Variants in SDK1 observed in about 807,000 individuals in gnomAD.
The protein encoded by SDK1 is sidekick cell adhesion molecule 1.
In SDK1, 157 loss-of-function variants were observed where a neutral mutation model predicts 245.5. The ratio of observed to expected loss-of-function variants is 0.64; its 90% CI spans 0.56 to 0.73. The LOEUF (loss-of-function observed/expected upper bound fraction) is 0.73, where lower values mean the gene tolerates loss of function less well. Among genes scored for constraint, SDK1 ranks in the 30% least tolerant of loss-of-function variants. The pLI is 0.00. For synonymous variants in SDK1, 1,647 were observed against 1,278.5 expected, an observed-to-expected ratio of 1.29 and a Z score of -6.15; for missense variants, 3,583 against 3,002.3, an observed-to-expected ratio of 1.19 and a Z score of -4.52.
At position 3,537,819 on chromosome 7, in the gene SDK1, C is replaced by G. The variant is rs74623428; in HGVS notation, c.299-81261C>G. 4.9e-4 allele frequency among the ~76,000 whole-genome samples: 75 copies of G among 152,314 alleles called. 1 individual carries two copies. The East Asian group carries it at 0.011, about 23-fold the overall frequency. ...CCTCTTCTGCCTAGAAGGTGATAGC[C>G]TGGCTGCCAGTGTTCAGGAAGCAGA... is the stretch of plus-strand genomic sequence containing the variant. On this transcript the variant is annotated intron_variant, in intron 1 of 44. Coordinates refer to ENST00000404826, the MANE Select transcript of SDK1 (RefSeq NM_152744.4).
intron 2 of SDK1, among the ~76,000 whole-genome samples, chr7:3,638,395 C>T (rs1782536250): frequency 1.3e-5 from 2 of 151,914 alleles, no homozygotes; most frequent in Non-Finnish European, 2.9e-5. Flanking sequence ...AAATGTCCCA[C>T]AGTGATAGAG....
chr7:3,640,640 CTTAA>C (rs928957620), intron 3 of SDK1, among the ~76,000 whole-genome samples: 1 of 151,942 alleles, frequency 6.6e-6, no homozygotes, highest in African/African-American at 2.4e-5. Flanking sequence ...CTGAATTTTG[CTTAA>C]TTATGTTTTT....
chr7:3,912,085 ACAAAC>A (rs1257593862), intron 5 of SDK1, among the ~76,000 whole-genome samples: 1 of 152,174 alleles, frequency 6.6e-6, no homozygotes. Context: ...AGTCTGGGAA[ACAAAC>A]CAAACTACAG....
intron 2 of SDK1, among the ~76,000 whole-genome samples, chr7:3,637,126 C>G (rs963339113): frequency 6.6e-6 from 1 of 151,358 alleles, no homozygotes; most frequent in Non-Finnish European, 1.5e-5. Flanking sequence ...GAGAGAGTGT[C>G]TTGCTCTGTC....
At chr7:3,856,481 TA>T (rs34024559) in intron 5 of SDK1, among the ~76,000 whole-genome samples, 73,744 of 118,920 alleles carry the variant, frequency 0.62, 22,423 homozygotes, top group East Asian at 0.82. Flanking sequence ...CAGGTAATGT[TA>T]AAAAAAAAAA....
At chr7:4,031,852 C>T (rs1486096846) in intron 17 of SDK1, among the ~76,000 whole-genome samples, 2 of 143,144 alleles carry the variant, frequency 1.4e-5, no homozygotes, top group Admixed American at 7.1e-5. Context: ...CATGGTGAAA[C>T]TCTGTCTCTA....
chr7:3,971,399 T>TC (rs1583678593), intron 11 of SDK1, 67 bp from the exon 12 acceptor site: 1 of 1,058,622 alleles, frequency 9.4e-7, no homozygotes, highest in South Asian at 1.3e-5. Context: ...CAGGGCATTA[T>TC]CCCCCCTGAG....
intron 28 of SDK1, among the ~76,000 whole-genome samples, chr7:4,144,535 C>T (rs1012140373): frequency 6.6e-6 from 1 of 151,742 alleles, no homozygotes; most frequent in African/African-American, 2.4e-5. Context: ...ATTGTCCTCC[C>T]ACCTCCCAGA....
At chr7:3,654,282 T>C (rs1457492519) in intron 4 of SDK1, among the ~76,000 whole-genome samples, 1 of 152,178 alleles carries the variant, frequency 6.6e-6, no homozygotes, top group Non-Finnish European at 1.5e-5. Flanking sequence ...TCTGAACTGC[T>C]CTTATCCTGG....
At chr7:3,351,119 GA>G (rs1780649052) in intron 1 of SDK1, among the ~76,000 whole-genome samples, 3 of 152,136 alleles carry the variant, frequency 2.0e-5, no homozygotes, top group African/African-American at 7.2e-5. Context: ...CAGCAGTTCT[GA>G]GAGCCTACTG....
rs1779594738 is a variant in SDK1 at position 3,745,660 on chromosome 7, G to GCGAC, written c.714-75788_714-75785dup. Among the ~76,000 whole-genome samples the GCGAC allele has an allele frequency of 2.0e-5, 3 of 151,994 alleles. No individual in the cohort carries two copies. In the South Asian group the frequency reaches 6.2e-4, roughly 32 times the overall value. On this transcript the variant is annotated intron_variant, in intron 4 of 44. Transcript: ENST00000404826. The stretch of plus-strand genomic sequence containing the variant: ...CGCCATGACAGAGGAACTCCCTCGA[G>GCGAC]CGACCCCTATAAAACTCCCCTGTTG...
At chr7:3,610,262 A>G (rs1781548354) in intron 1 of SDK1, among the ~76,000 whole-genome samples, 1 of 152,246 alleles carries the variant, frequency 6.6e-6, no homozygotes, top group African/African-American at 2.4e-5. Context: ...GATAAGCAGG[A>G]GAAGGTAAAT....
At chr7:3,950,138 A>G (rs982317034) in intron 5 of SDK1, among the ~76,000 whole-genome samples, 4 of 152,246 alleles carry the variant, frequency 2.6e-5, no homozygotes, top group Non-Finnish European at 1.5e-5. Context: ...CACAACACAC[A>G]GAGCAGTAGC....
intron 1 of SDK1, among the ~76,000 whole-genome samples, chr7:3,406,228 C>T (rs1244503191): frequency 3.3e-5 from 5 of 152,244 alleles, no homozygotes; most frequent in South Asian, 4.1e-4. Context: ...TACCATCTCT[C>T]TGATCCGCCC....
intron 4 of SDK1, among the ~76,000 whole-genome samples, chr7:3,721,689 A>G (rs1435281786): frequency 6.6e-6 from 1 of 152,164 alleles, no homozygotes; most frequent in Non-Finnish European, 1.5e-5. Context: ...TTGTGTGCTC[A>G]CTGAGGAAGG....
At chr7:4,183,549 C>T (rs780911203) in intron 35 of SDK1, among the ~76,000 whole-genome samples, 2 of 151,064 alleles carry the variant, frequency 1.3e-5, no homozygotes, top group African/African-American at 2.4e-5. Flanking sequence ...GCAGGAGAAT[C>T]GCTTGAACCG....
Position 4,096,636 on chromosome 7 carries a change from A to G in SDK1, c.3325-14027A>G, listed in dbSNP as rs1346635501. Among the ~76,000 whole-genome samples the G allele has an allele frequency of 2.6e-5, 4 of 152,168 alleles. No individual in the cohort carries two copies. The East Asian group carries it at 7.7e-4, about 29-fold the overall frequency. On this transcript the variant is annotated intron_variant, in intron 22 of 44. Coordinates refer to ENST00000404826, the MANE Select transcript of SDK1 (RefSeq NM_152744.4). Reference sequence around the variant, plus strand: ...ATAATAAAAATAATGAAGTTAAGGCAAGTGTTTAGCATCCAAGAAGGCTGC... The same window carrying G: ...ATAATAAAAATAATGAAGTTAAGGCGAGTGTTTAGCATCCAAGAAGGCTGC...
At chr7:3,967,562 C>G (rs367718616) in intron 10 of SDK1, 128 bp downstream of exon 10, 2 of 662,240 alleles carry the variant, frequency 3.0e-6, no homozygotes, top group Non-Finnish European at 2.7e-6. Context: ...TTAAATAACT[C>G]TTATTGCAGC....
Position 3,301,850 on chromosome 7 carries a change from G to C in SDK1, c.264G>C (p.Ala88=). The C allele has an allele frequency of 8.8e-7, 1 of 1,133,014 alleles. No homozygotes were observed. Among genetic ancestry groups the C allele is most frequent in the Non-Finnish European group, 1.1e-6 (1 of 925,514 alleles). The allele number at this position is 1,133,014 out of a possible 1,614,324, so 70.2% of individuals were successfully genotyped here. ...PGRRGWWALL[A]LQLHLLRALA... is the part of the protein sequence containing the mutation. The stretch of plus-strand genomic sequence containing the variant: ...GCCGCGGCTGGTGGGCGCTGCTGGC[G>C]CTGCAGCTGCACTTGCTCCGGGCGC... Residue 88 remains alanine, a synonymous_variant, in exon 1 of 45, where the codon GCG becomes GCC. Coordinates refer to ENST00000404826, the MANE Select transcript of SDK1 (RefSeq NM_152744.4).
Sources: allele counts gnomAD v4.1 joint callset (sites outside exome capture counted in the v4.1 genomes callset), GRCh38; gene constraint gnomAD v4.1.1; transcripts MANE v1.5; gene names NCBI Gene and HGNC (gene_info 2026-07-23, HGNC 2026-07-21).